Variants in RIC1 observed in about 807,000 individuals in gnomAD.
RIC1 encodes the protein RIC1 partner of RAB6A GEF complex, also known as guanine nucleotide exchange factor subunit RIC1.
In RIC1, 88 loss-of-function variants were observed where a neutral mutation model predicts 169.0. The ratio of observed to expected loss-of-function variants is 0.52; its 90% confidence interval spans 0.44 to 0.62. The LOEUF (loss-of-function observed/expected upper bound fraction) is 0.62. RIC1 is among the 20% of genes least tolerant of loss of function. The pLI is 0.00. For synonymous variants in RIC1, 790 were observed against 601.5 expected, an observed-to-expected ratio of 1.31 and a Z score of -4.59; for missense variants, 1,877 against 1,725.5, an observed-to-expected ratio of 1.09 and a Z score of -1.56.
chr9:5,662,454 C>T (rs1475615756), intron 2 of RIC1, among the ~76,000 whole-genome samples: 1 of 142,520 alleles, frequency 7.0e-6, no homozygotes, highest in East Asian at 2.4e-4. Flanking sequence ...GTGAATCTGT[C>T]TGTCCTGGGC....
intron 2 of RIC1, among the ~76,000 whole-genome samples, chr9:5,684,635 AT>A (rs1037686283): frequency 1.3e-5 from 2 of 152,064 alleles, no homozygotes; most frequent in Admixed American, 6.5e-5. Context: ...AGTTAATTCC[AT>A]TAGGAGTCCT....
intron 3 of RIC1, among the ~76,000 whole-genome samples, chr9:5,708,279 T>C (rs1201770158): frequency 6.6e-6 from 1 of 152,144 alleles, no homozygotes; most frequent in African/African-American, 2.4e-5. Context: ...TTTTATGCAC[T>C]TGTCTTTTGA....
At chr9:5,681,048 G>A (rs891024828) in intron 2 of RIC1, among the ~76,000 whole-genome samples, 2 of 151,142 alleles carry the variant, frequency 1.3e-5, no homozygotes, top group East Asian at 1.9e-4. Context: ...GGATGGTCTC[G>A]ATCTCCTGAC....
intron 9 of RIC1, among the ~76,000 whole-genome samples, chr9:5,743,470 C>G (rs1825196986): frequency 6.6e-6 from 1 of 152,108 alleles, no homozygotes; most frequent in South Asian, 2.1e-4. Flanking sequence ...CCTTTAAAAG[C>G]TGCATATCTC....
intron 17 of RIC1, among the ~76,000 whole-genome samples, chr9:5,757,809 G>C (rs763159544): frequency 2.0e-5 from 3 of 152,142 alleles, no homozygotes; most frequent in Non-Finnish European, 4.4e-5. Flanking sequence ...TGGATTTTCA[G>C]GTGGAAGGAA....
At chr9:5,690,986 A>G (rs930927871) in intron 3 of RIC1, among the ~76,000 whole-genome samples, 1 of 151,900 alleles carries the variant, frequency 6.6e-6, no homozygotes, top group African/African-American at 2.4e-5. Flanking sequence ...ATTAAATATA[A>G]CCATTTTTAT....
At chr9:5,736,835 G>A (rs1044862338) in intron 7 of RIC1, among the ~76,000 whole-genome samples, 1 of 152,078 alleles carries the variant, frequency 6.6e-6, no homozygotes, top group East Asian at 1.9e-4. Flanking sequence ...AACAAAAACA[G>A]AGTATCAGTA....
chr9:5,728,291 G>A (rs969587497), intron 6 of RIC1, among the ~76,000 whole-genome samples: 2 of 152,244 alleles, frequency 1.3e-5, no homozygotes, highest in Admixed American at 6.5e-5. Flanking sequence ...TTCAATCTGA[G>A]TTGCTGTGCT....
chr9:5,733,430 A>AT (rs1824496039), intron 7 of RIC1, among the ~76,000 whole-genome samples: 1 of 151,254 alleles, frequency 6.6e-6, no homozygotes, highest in Admixed American at 6.6e-5. Flanking sequence ...TGCCCAGCTA[A>AT]TTTTTTTTGT....
chr9:5,665,783 AG>A (rs759803922), intron 2 of RIC1, among the ~76,000 whole-genome samples: 3 of 152,150 alleles, frequency 2.0e-5, no homozygotes, highest in Non-Finnish European at 4.4e-5. Flanking sequence ...GCTGCAAAAC[AG>A]CAAAGATGGC....
At chr9:5,647,216 T>A (rs549750331) in intron 1 of RIC1, among the ~76,000 whole-genome samples, 1 of 152,318 alleles carries the variant, frequency 6.6e-6, no homozygotes, top group South Asian at 2.1e-4. Flanking sequence ...ATTGCTGTAG[T>A]CTTCTAGTAA....
At chr9:5,757,513 T>A (rs1389617183) in intron 17 of RIC1, 62 bp downstream of exon 17, 1 of 1,542,922 alleles carries the variant, frequency 6.5e-7, no homozygotes, top group Non-Finnish European at 8.9e-7. Context: ...TTTGAGTCCA[T>A]ATTAGGAAGT....
intron 1 of RIC1, among the ~76,000 whole-genome samples, chr9:5,647,980 G>GTGGTGGTGATGA (rs1554658190): frequency 7.9e-6 from 1 of 127,362 alleles, no homozygotes; most frequent in East Asian, 2.4e-4. Flanking sequence ...GGTGATGGTG[G>GTGGTGGTGATGA]TGGTGGTGGT....
In RIC1 at chr9:5,761,695, CTGT is replaced by C. The variant is rs532692992; in HGVS notation, c.1993-844_1993-842del. ...TTCATGTCTAGGATAGCAGTAAGTT[CTGT>C]TTTTTAACCAAAATGTTCCTTCCTC... On this transcript the variant is annotated intron_variant, in intron 17 of 25. Transcript: ENST00000414202. Among the ~76,000 whole-genome samples the C allele has an allele frequency of 2.9e-3, 441 of 151,602 alleles. 4 individuals are homozygous for C. Among genetic ancestry groups the C allele is most frequent in the Non-Finnish European group, 5.3e-3 (361 of 68,004 alleles).
intron 3 of RIC1, among the ~76,000 whole-genome samples, chr9:5,709,302 C>T (rs1822789489): frequency 6.6e-6 from 1 of 152,120 alleles, no homozygotes; most frequent in Admixed American, 6.5e-5. Flanking sequence ...ATCCCCAATC[C>T]ATTCCTTAGC....
rs1391367179 is a variant in RIC1, at chr9:5,685,970, ATG to A, written c.253-3988_253-3987del. 3.3e-5 allele frequency among the ~76,000 whole-genome samples: 5 copies of A among 152,222 alleles called. No individual in the cohort carries two copies. In the East Asian group the frequency reaches 9.7e-4, roughly 29 times the overall value. ...ACCCATCAAAAAGTGGGCGAAGGAC[ATG>A]AACAGACACTTCTGAAAAGAAGACA... On this transcript the variant is annotated intron_variant, in intron 2 of 25. Coordinates refer to ENST00000414202, the MANE Select transcript of RIC1 (RefSeq NM_020829.4).
At chr9:5,772,852 C>A in intron 24 of RIC1, 40 bp from the exon 25 acceptor site, 1 of 1,581,768 alleles carries the variant, frequency 6.3e-7, no homozygotes, top group South Asian at 1.2e-5. Context: ...TCTTATAGAT[C>A]TTTCTTAGCA....
intron 2 of RIC1, among the ~76,000 whole-genome samples, chr9:5,678,544 C>G (rs1314468298): frequency 6.6e-6 from 1 of 151,954 alleles, no homozygotes; most frequent in Non-Finnish European, 1.5e-5. Flanking sequence ...GCCATTCTAA[C>G]TGGTGTGAGA....
intron 6 of RIC1, 137 bp downstream of exon 6, chr9:5,720,887 A>G (rs1823550195): frequency 4.0e-6 from 3 of 747,850 alleles, no homozygotes; most frequent in African/African-American, 1.8e-5. Context: ...AAACATATAA[A>G]TAGTATAAGT....
Sources: gnomAD v4.1 joint callset for allele counts (sites outside exome capture counted in the v4.1 genomes callset) on GRCh38, gnomAD v4.1.1 for gene constraint, MANE v1.5 for transcripts, NCBI Gene and HGNC (gene_info 2026-07-23, HGNC 2026-07-21) for gene names.